TMEM181: variants seen among roughly 807,000 people sequenced by gnomAD.
TMEM181 encodes the protein transmembrane protein 181, also known as G protein-coupled receptor 178.
In TMEM181, 39 loss-of-function variants were observed where a neutral mutation model predicts 71.9. That is an observed-to-expected ratio of 0.54 (90% CI 0.42 to 0.71). The LOEUF (loss-of-function observed/expected upper bound fraction) is 0.71, where lower values mean the gene tolerates loss of function less well. Ranked by LOEUF, TMEM181 falls within the 30% of genes least tolerant of loss-of-function variation. The pLI, the probability that TMEM181 is intolerant of heterozygous loss-of-function variation, is 0.00. For missense variants in TMEM181, 595 were observed against 583.0 expected, an observed-to-expected ratio of 1.02 and a Z score of -0.21; for synonymous variants, 245 against 228.8, an observed-to-expected ratio of 1.07 and a Z score of -0.64.
At chr6:158,612,745 T>C (rs149775601) in intron 10 of TMEM181, among the ~76,000 whole-genome samples, 2,505 of 152,320 alleles carry the variant, frequency 0.016, 25 homozygotes, top group Middle Eastern at 0.044. Context: ...TGTGTTATTT[T>C]TTATTAGTAA....
chr6:158,584,898 A>AT (rs901853280), intron 4 of TMEM181, among the ~76,000 whole-genome samples: 4 of 152,196 alleles, frequency 2.6e-5, no homozygotes, highest in South Asian at 2.1e-4. Context: ...ATATTTTATG[A>AT]TTTTTTTAAA....
chr6:158,584,857 G>C (rs1783676168), intron 4 of TMEM181, among the ~76,000 whole-genome samples: 1 of 151,950 alleles, frequency 6.6e-6, no homozygotes. Flanking sequence ...ATTATCTCTA[G>C]GTGAAATTCT....
intron 6 of TMEM181, 132 bp from the exon 7 acceptor site, chr6:158,605,127 AAAAAGTGT>A: frequency 3.1e-5 from 14 of 446,852 alleles, no homozygotes; most frequent in African/African-American, 1.2e-4. Flanking sequence ...AAAAAAAAAA[AAAAAGTGT>A]GTGTGTGTGT....
Position 158,560,271 on chromosome 6 carries a change from C to A in TMEM181, c.8+39C>A, listed in dbSNP as rs1333035559. On this transcript the variant is annotated intron_variant, in intron 1 of 16. Transcript: ENST00000684151. The stretch of plus-strand genomic sequence containing the variant: ...CGAGCGGGCGGGCTGGCTGGCTCTC[C>A]GGACACTCCGGCCGAAAGTTGGGGA... 3 of 985,062 alleles carry A rather than the reference C, an allele frequency of 3.0e-6. No homozygotes were observed. In the Admixed American group the frequency reaches 1.8e-4, roughly 61 times the overall value. 61.0% of individuals were successfully genotyped at this position (985,062 alleles called of 1,614,324 possible). A position where few individuals can be genotyped will look rare whatever the true frequency, so the allele number is the denominator to read the frequency against.
chr6:158,598,552 G>A (rs887226436), intron 6 of TMEM181, among the ~76,000 whole-genome samples: 3 of 151,954 alleles, frequency 2.0e-5, no homozygotes, highest in Admixed American at 6.5e-5. Flanking sequence ...AGTGCTGCCC[G>A]GCTTCTCAGA....
chr6:158,595,934 T>G (rs1156554771), intron 6 of TMEM181, among the ~76,000 whole-genome samples: 1 of 152,142 alleles, frequency 6.6e-6, no homozygotes, highest in South Asian at 2.1e-4. Flanking sequence ...TATTTTTATT[T>G]TTTTTGAGAC....
intron 1 of TMEM181, among the ~76,000 whole-genome samples, chr6:158,538,125 T>TCCCCCGC (rs1459539801): frequency 6.9e-6 from 1 of 144,526 alleles, no homozygotes; most frequent in Non-Finnish European, 1.5e-5. Flanking sequence ...TAGTCCCCCG[T>TCCCCCGC]CCCCCGCCCC....
intron 1 of TMEM181, among the ~76,000 whole-genome samples, chr6:158,542,744 A>G (rs1474061591): frequency 6.6e-6 from 1 of 151,944 alleles, no homozygotes; most frequent in African/African-American, 2.4e-5. Context: ...AGCTGGGACT[A>G]CATGCGTGGA....
chr6:158,538,141 CTG>C (rs1322289404), intron 1 of TMEM181, among the ~76,000 whole-genome samples: 5 of 113,086 alleles, frequency 4.4e-5, no homozygotes, highest in Non-Finnish European at 8.8e-5. Context: ...GCCCCCTACT[CTG>C]TTTTTTTTTT....
Position 158,584,020 on chromosome 6 carries a change from G to C in TMEM181, c.235G>C (p.Val79Leu). The change falls in exon 4 of 17, where the codon GTT becomes CTT. Residue 79 changes from valine (V) to leucine (L), a missense_variant. Val to Leu is a conservative substitution (Grantham distance 32). Transcript: ENST00000684151. ...CAATCAGCAACTATGGCTGACATGT[G>C]TTGTTGAGTTGGATCAATCAAAAGG... ...TYNQQLWLTCVVELDQSKETS... is the reference protein window; with the variant it reads ...TYNQQLWLTCLVELDQSKETS... The C allele has an allele frequency of 6.2e-7, 1 of 1,611,868 alleles. No homozygotes were observed.
chr6:158,557,823 T>C (rs1355139138), upstream of TMEM181, among the ~76,000 whole-genome samples: 2 of 152,208 alleles, frequency 1.3e-5, no homozygotes, highest in Non-Finnish European at 2.9e-5. Context: ...GCCCGGTCAA[T>C]TAAGTAATTA....
upstream of TMEM181, chr6:158,560,062 C>T (rs1782064700): frequency 1.0e-6 from 1 of 985,114 alleles, no homozygotes; most frequent in East Asian, 1.1e-4. Context: ...GTCGCTTCCG[C>T]GCACGTGATC....
At chr6:158,631,723 T>C in intron 16 of TMEM181, 87 bp from the exon 17 acceptor site, 1 of 1,401,428 alleles carries the variant, frequency 7.1e-7, no homozygotes, top group Admixed American at 2.0e-5. Context: ...TATGATTTAA[T>C]TCCTGCTGGA....
rs964964389 is a variant in TMEM181, at chr6:158,632,317, C to G, written c.*429C>G. The G allele has an allele frequency of 5.3e-6, 1 of 188,644 alleles. No homozygotes were observed. Among genetic ancestry groups the G allele is most frequent in the African/African-American group, 2.4e-5 (1 of 42,314 alleles). 11.7% of individuals were successfully genotyped at this position (188,644 alleles called of 1,614,324 possible). ...TTTTCCATGGTACTGTTTTGTGACC[C>G]TTTAAACTCAAAGGGAAGCCTTATC... On this transcript the variant is annotated 3_prime_UTR_variant, in exon 17 of 17. Transcript: ENST00000684151.
chr6:158,537,489 T>A (rs1781167176), intron 1 of TMEM181, among the ~76,000 whole-genome samples: 2 of 152,138 alleles, frequency 1.3e-5, no homozygotes, highest in Admixed American at 1.3e-4. Context: ...TTCAGCGGCC[T>A]AGGGGAGAGC....
At position 158,589,717 on chromosome 6, in the gene TMEM181, A is replaced by G. The variant is rs1370709364; in HGVS notation, c.427A>G (p.Thr143Ala). Residue 143 changes from threonine (T) to alanine (A), a missense_variant, in exon 6 of 17, where the codon ACT becomes GCT. Coordinates refer to ENST00000684151, the MANE Select transcript of TMEM181 (RefSeq NM_001376852.1). ...IVAHLGYLNY[T>A]QYTVIVGFEH... is the part of the protein sequence containing the mutation. ...GGCTCACCTTGGCTACCTGAACTACACTCAGTATACAGTGATAGTGGGATT... is the reference window on the plus strand; with the variant it reads ...GGCTCACCTTGGCTACCTGAACTACGCTCAGTATACAGTGATAGTGGGATT... 2 of 1,614,018 alleles carry G rather than the reference A, an allele frequency of 1.2e-6. No homozygotes were observed. Among genetic ancestry groups the G allele is most frequent in the African/African-American group, 1.3e-5 (1 of 74,908 alleles).
chr6:158,624,665 C>T (rs538347307), intron 11 of TMEM181, among the ~76,000 whole-genome samples: 198 of 152,328 alleles, frequency 1.3e-3, no homozygotes, highest in Non-Finnish European at 1.9e-3. Flanking sequence ...AAACAGAGGT[C>T]GGGAATGGTT....
intron 1 of TMEM181, among the ~76,000 whole-genome samples, chr6:158,546,129 C>G (rs1781519249): frequency 6.6e-6 from 1 of 152,172 alleles, no homozygotes; most frequent in African/African-American, 2.4e-5. Context: ...AGATTACTTC[C>G]TATTCCATCT....
Position 158,605,367 on chromosome 6 carries a change from T to C in TMEM181, c.573+20T>C. The C allele has an allele frequency of 6.2e-7, 1 of 1,611,352 alleles. No homozygotes were observed. Among genetic ancestry groups the C allele is most frequent in the South Asian group, 1.1e-5 (1 of 91,030 alleles). ...GTCACTGTGAGTACCATTCGCCTGA[T>C]GGACCGCAGCAGATCCCAGCCAGGA... On this transcript the variant is annotated intron_variant, in intron 7 of 16. Transcript: ENST00000684151.
Sources: allele counts gnomAD v4.1 joint callset (sites outside exome capture counted in the v4.1 genomes callset), GRCh38; gene constraint gnomAD v4.1.1; transcripts MANE v1.5; gene names NCBI Gene and HGNC (gene_info 2026-07-23, HGNC 2026-07-21).